SLC28A1: variants seen among roughly 807,000 people sequenced by gnomAD.
The protein encoded by SLC28A1 is sodium/nucleoside cotransporter 1.
Under a neutral mutation model 74.8 loss-of-function variants are expected in SLC28A1, and 64 were observed. That is an observed-to-expected ratio of 0.86 (90% CI 0.70 to 1.05). The LOEUF (loss-of-function observed/expected upper bound fraction) is 1.05, where lower values mean the gene tolerates loss of function less well. Ranked by LOEUF, SLC28A1 falls within the 50% of genes least tolerant of loss-of-function variation. SLC28A1 has a pLI of 0.00. For missense variants in SLC28A1, 828 were observed against 822.8 expected (o/e 1.01, Z -0.08); for synonymous variants, 359 against 335.0 (o/e 1.07, Z -0.78).
At chr15:84,939,224 G>A (rs1567186641) in intron 15 of SLC28A1, among the ~76,000 whole-genome samples, 1 of 152,216 alleles carries the variant, frequency 6.6e-6, no homozygotes, top group Non-Finnish European at 1.5e-5. Context: ...GGACACTGAG[G>A]CAGGAGGATC....
intron 1 of SLC28A1, among the ~76,000 whole-genome samples, chr15:84,885,899 A>G (rs1367596487): frequency 6.6e-6 from 1 of 152,204 alleles, no homozygotes; most frequent in African/African-American, 2.4e-5. Context: ...ACAGATGAAG[A>G]AAAAATGTTT....
At chr15:84,922,973 G>A (rs1056065393) in intron 11 of SLC28A1, among the ~76,000 whole-genome samples, 4 of 152,194 alleles carry the variant, frequency 2.6e-5, no homozygotes, top group African/African-American at 7.2e-5. Context: ...GTCTCGCTCT[G>A]TCACCTAGGC....
At position 84,923,975 on chromosome 15, in the gene SLC28A1, C is replaced by T. The variant is rs746590590; in HGVS notation, c.958-10C>T. The T allele has an allele frequency of 3.7e-6, 6 of 1,614,052 alleles. No homozygotes were observed. The South Asian group carries it at 4.4e-5, about 12-fold the overall frequency. ...CCACCCTGCTTGTCTGACATCTTTC[C>T]TGTTTGCAGACCGAGGCTCCATTAC... On this transcript the variant is annotated splice_polypyrimidine_tract_variant and intron_variant, in intron 11 of 18. Transcript: ENST00000394573.
chr15:84,923,883 C>T, intron 11 of SLC28A1, 102 bp from the exon 12 acceptor site: 3 of 1,502,256 alleles, frequency 2.0e-6, no homozygotes, highest in Non-Finnish European at 2.8e-6. Context: ...CATCCTGCTG[C>T]CTCTTACCGT....
At chr15:84,884,886 A>T (rs1172617726) in intron 1 of SLC28A1, 135 bp downstream of exon 1, 2 of 211,706 alleles carry the variant, frequency 9.4e-6, no homozygotes, top group Non-Finnish European at 1.6e-5. Context: ...GACCCCTTCG[A>T]GGACAGCTCC....
At chr15:84,952,097 C>A in the SLC28A1 span, among the ~76,000 whole-genome samples, 1 of 152,154 alleles carries the variant, frequency 6.6e-6, no homozygotes, top group Non-Finnish European at 1.5e-5. Flanking sequence ...TGTTCCCTCC[C>A]CTTGAAGAAC....
downstream of SLC28A1, among the ~76,000 whole-genome samples, chr15:84,946,758 C>T (rs1380279410): frequency 6.6e-6 from 1 of 152,138 alleles, no homozygotes; most frequent in East Asian, 1.9e-4. Flanking sequence ...GCCCTCTGTG[C>T]CACTAGGTGA....
At chr15:84,913,186 C>T (rs545540973) in intron 9 of SLC28A1, among the ~76,000 whole-genome samples, 2 of 152,288 alleles carry the variant, frequency 1.3e-5, no homozygotes, top group Non-Finnish European at 2.9e-5. Flanking sequence ...GGTACTGGTA[C>T]AGTGTGCACC....
chr15:84,933,436 ATTTTCTG>A (rs1971540056), intron 13 of SLC28A1, among the ~76,000 whole-genome samples, 161 bp downstream of exon 13: 1 of 152,092 alleles, frequency 6.6e-6, no homozygotes. Flanking sequence ...GTCTTAGTCC[ATTTTCTG>A]TTGCTTATAA....
At chr15:84,901,495 C>A (rs531277585) in intron 6 of SLC28A1, among the ~76,000 whole-genome samples, 1 of 150,218 alleles carries the variant, frequency 6.7e-6, no homozygotes, top group Non-Finnish European at 1.5e-5. Flanking sequence ...TGTGACAGAG[C>A]GATACTCCAT....
chr15:84,975,640 T>A, the SLC28A1 span: 1 of 439,346 alleles, frequency 2.3e-6, no homozygotes, highest in South Asian at 1.6e-5. Context: ...TTTTTAAGAG[T>A]CTTTGAAAAG....
In SLC28A1 at chr15:84,908,607, C is replaced by CT. The variant is rs1967641727; in HGVS notation, c.718-110dup. The CT allele has an allele frequency of 1.0e-5, 9 of 859,632 alleles. No individual in the cohort carries two copies. In the South Asian group the frequency reaches 1.2e-4, roughly 12 times the overall value. The allele number at this position is 859,632 out of a possible 1,614,324, so 53.3% of individuals were successfully genotyped here. ...GTGGTGCCCCCCCCCGGATAAGGGCCTGGGGGGACTACGTCCCTGGGCCAA... is the reference window on the plus strand; with the variant it reads ...GTGGTGCCCCCCCCCGGATAAGGGCCTTGGGGGGACTACGTCCCTGGGCCAA... On this transcript the variant is annotated intron_variant, in intron 8 of 18. Coordinates refer to ENST00000394573, the MANE Select transcript of SLC28A1 (RefSeq NM_004213.5).
At chr15:84,943,418 C>T (rs1415275898) in intron 15 of SLC28A1, 27 bp from the exon 16 acceptor site, 2 of 1,586,960 alleles carry the variant, frequency 1.3e-6, no homozygotes. Context: ...AGGGGAGCCC[C>T]TCCTCATGCA....
chr15:84,932,815 A>C (rs1971474500), intron 12 of SLC28A1, among the ~76,000 whole-genome samples: 1 of 152,180 alleles, frequency 6.6e-6, no homozygotes, highest in Admixed American at 6.5e-5. Flanking sequence ...AAAAGATGTG[A>C]TAGGCTCTAA....
chr15:84,969,436 C>T, the SLC28A1 span, among the ~76,000 whole-genome samples: 4 of 152,318 alleles, frequency 2.6e-5, no homozygotes, highest in South Asian at 8.3e-4. Context: ...GGATCAGCTG[C>T]AGCTGGGAGC....
the SLC28A1 span, among the ~76,000 whole-genome samples, chr15:84,967,804 G>A: frequency 1.3e-5 from 2 of 152,142 alleles, no homozygotes; most frequent in African/African-American, 2.4e-5. Context: ...ACTGGCTTCA[G>A]GTGCACCTGT....
the SLC28A1 span, chr15:84,975,548 T>C: frequency 4.4e-6 from 2 of 456,160 alleles, no homozygotes; most frequent in African/African-American, 4.0e-5. Flanking sequence ...CTGAGGAGTG[T>C]TTTCGTGCTT....
chr15:84,912,926 G>A (rs965445243), intron 9 of SLC28A1, among the ~76,000 whole-genome samples: 3 of 151,890 alleles, frequency 2.0e-5, no homozygotes, highest in Non-Finnish European at 4.4e-5. Flanking sequence ...CATGGTTTTC[G>A]GTGAAGGGAA....
At chr15:84,968,913 A>G in the SLC28A1 span, among the ~76,000 whole-genome samples, 1 of 152,152 alleles carries the variant, frequency 6.6e-6, no homozygotes, top group African/African-American at 2.4e-5. Context: ...AGCCCGGGTA[A>G]GGGGAGAGGG....
Sources: allele counts gnomAD v4.1 joint callset (sites outside exome capture counted in the v4.1 genomes callset), GRCh38; gene constraint gnomAD v4.1.1; transcripts MANE v1.5; gene names NCBI Gene and HGNC (gene_info 2026-07-23, HGNC 2026-07-21).